Variants in MYO3B observed in about 807,000 individuals in gnomAD.
MYO3B encodes myosin-IIIb.
MYO3B carries 156 observed loss-of-function variants against 174.6 expected under a neutral mutation model. That is an observed-to-expected ratio of 0.89 (90% CI 0.78 to 1.02). The LOEUF (loss-of-function observed/expected upper bound fraction) is 1.02. Ranked by LOEUF, MYO3B falls within the 50% of genes least tolerant of loss-of-function variation. MYO3B has a pLI of 0.00. For missense variants in MYO3B, 1,632 were observed against 1,639.4 expected, an observed-to-expected ratio of 1.00 and a Z score of 0.08; for synonymous variants, 563 against 569.1, an observed-to-expected ratio of 0.99 and a Z score of 0.15.
rs116394639 is a variant in MYO3B, at chr2:170,561,426, G to T, written c.3733+17438G>T. 5.7e-3 allele frequency among the ~76,000 whole-genome samples: 872 copies of T among 152,248 alleles called. 2 individuals are homozygous for T. Among genetic ancestry groups the T allele is most frequent in the African/African-American group, 0.019 (797 of 41,536 alleles). On this transcript the variant is annotated intron_variant, in intron 32 of 34. Coordinates refer to ENST00000408978, the MANE Select transcript of MYO3B (RefSeq NM_138995.5). ...TCTTTTCTTCAGCAGTCTGACAAATGGTCATCCATGCTAATTTCCCACATT... is the reference window on the plus strand; with the variant it reads ...TCTTTTCTTCAGCAGTCTGACAAATTGTCATCCATGCTAATTTCCCACATT...
chr2:170,443,236 T>C (rs2094815493), intron 22 of MYO3B, among the ~76,000 whole-genome samples: 1 of 152,242 alleles, frequency 6.6e-6, no homozygotes, highest in Non-Finnish European at 1.5e-5. Flanking sequence ...TGCATTTCTC[T>C]GATGGCCAGT....
At chr2:170,607,888 A>T (rs1220964003) in intron 32 of MYO3B, among the ~76,000 whole-genome samples, 1 of 152,208 alleles carries the variant, frequency 6.6e-6, no homozygotes, top group Non-Finnish European at 1.5e-5. Context: ...GAAATCAGGA[A>T]TTCTAAAGTA....
intron 14 of MYO3B, among the ~76,000 whole-genome samples, chr2:170,388,198 G>A (rs1237098796): frequency 6.6e-6 from 1 of 152,074 alleles, no homozygotes; most frequent in African/African-American, 2.4e-5. Flanking sequence ...GCTTGTAAGA[G>A]CAAACTAAAT....
chr2:170,425,332 T>G (rs2094651704), intron 22 of MYO3B, among the ~76,000 whole-genome samples: 1 of 152,220 alleles, frequency 6.6e-6, no homozygotes, highest in African/African-American at 2.4e-5. Context: ...ACGTGTTGTG[T>G]GCAAAGAGAA....
intron 7 of MYO3B, among the ~76,000 whole-genome samples, chr2:170,277,126 G>A (rs1249606156): frequency 6.6e-6 from 1 of 152,192 alleles, no homozygotes; most frequent in African/African-American, 2.4e-5. Context: ...GGCTGAGAAG[G>A]AGGCCCCTGC....
chr2:170,491,067 G>C (rs961261415), intron 25 of MYO3B, among the ~76,000 whole-genome samples: 3 of 151,822 alleles, frequency 2.0e-5, no homozygotes, highest in Non-Finnish European at 4.4e-5. Context: ...CTTCTACTTT[G>C]ATCTTTATTA....
At chr2:170,415,703 C>T (rs2094573867) in intron 22 of MYO3B, among the ~76,000 whole-genome samples, 1 of 152,108 alleles carries the variant, frequency 6.6e-6, no homozygotes. Context: ...TATCTGTCTT[C>T]CTTCTGGTCT....
chr2:170,588,704 T>C (rs748176178), intron 32 of MYO3B, among the ~76,000 whole-genome samples: 9 of 152,236 alleles, frequency 5.9e-5, no homozygotes, highest in Non-Finnish European at 1.2e-4. Flanking sequence ...CAAGGAGTTA[T>C]AGCAGCTTTT....
intron 3 of MYO3B, among the ~76,000 whole-genome samples, chr2:170,204,599 G>A (rs942028231): frequency 6.6e-6 from 1 of 152,348 alleles, no homozygotes; most frequent in Admixed American, 6.5e-5. Context: ...GATGTGGAAT[G>A]TAAATGATTT....
chr2:170,501,914 C>A, intron 28 of MYO3B, 49 bp downstream of exon 28: 3 of 1,269,814 alleles, frequency 2.4e-6, no homozygotes, highest in Non-Finnish European at 3.4e-6. Context: ...TATTCTGTGA[C>A]TAACTTCTGT....
At chr2:170,617,175 C>A (rs907427726) in intron 32 of MYO3B, among the ~76,000 whole-genome samples, 2 of 152,088 alleles carry the variant, frequency 1.3e-5, no homozygotes, top group African/African-American at 2.4e-5. Context: ...ACAGTAACAG[C>A]AATCAAGCCC....
At chr2:170,499,979 C>T (rs1420916566) in intron 27 of MYO3B, among the ~76,000 whole-genome samples, 171 bp downstream of exon 27, 1 of 142,494 alleles carries the variant, frequency 7.0e-6, no homozygotes, top group African/African-American at 2.5e-5. Flanking sequence ...TCTTTCCTTC[C>T]TTCCTTTAGC....
chr2:170,239,835 G>A (rs982570132), intron 7 of MYO3B, among the ~76,000 whole-genome samples: 1 of 152,180 alleles, frequency 6.6e-6, no homozygotes, highest in African/African-American at 2.4e-5. Flanking sequence ...CCACAAACTC[G>A]GTGGATTAAA....
chr2:170,499,865 T>C (rs1432791962), intron 27 of MYO3B, 57 bp downstream of exon 27: 19 of 1,527,816 alleles, frequency 1.2e-5, no homozygotes, highest in Admixed American at 5.3e-5. Context: ...CATTAAGTAC[T>C]GGGGAATACT....
intron 14 of MYO3B, among the ~76,000 whole-genome samples, chr2:170,389,207 A>T (rs1375923966): frequency 6.6e-6 from 1 of 152,108 alleles, no homozygotes; most frequent in African/African-American, 2.4e-5. Context: ...TGAAGAGAAG[A>T]TGGGGCCTGT....
At chr2:170,208,992 TC>T (rs1457009455) in intron 3 of MYO3B, among the ~76,000 whole-genome samples, 1 of 152,184 alleles carries the variant, frequency 6.6e-6, no homozygotes, top group East Asian at 1.9e-4. Flanking sequence ...GAGCTCCTGG[TC>T]CTGTCATAAA....
chr2:170,382,555 G>T (rs1263216735), intron 10 of MYO3B: 2 of 170,838 alleles, frequency 1.2e-5, no homozygotes, highest in Non-Finnish European at 2.6e-5. Context: ...ATGTTTAATA[G>T]AGCTGTTAAT....
intron 8 of MYO3B, among the ~76,000 whole-genome samples, chr2:170,365,321 A>G (rs148874853): frequency 4.9e-4 from 75 of 152,250 alleles, no homozygotes; most frequent in African/African-American, 1.8e-3. Context: ...CTTTTGTGCT[A>G]TTATTTCTTA....
intron 1 of MYO3B, among the ~76,000 whole-genome samples, chr2:170,189,940 C>A (rs919214672): frequency 2.6e-5 from 4 of 152,124 alleles, no homozygotes; most frequent in Non-Finnish European, 5.9e-5. Context: ...TTACTGTGTT[C>A]TTCACAGTCT....
Sources: gnomAD v4.1 joint callset for allele counts (sites outside exome capture counted in the v4.1 genomes callset) on GRCh38, gnomAD v4.1.1 for gene constraint, MANE v1.5 for transcripts, NCBI Gene and HGNC (gene_info 2026-07-23, HGNC 2026-07-21) for gene names.